The following GLMN variants were observed in gnomAD, a reference collection of about 807,000 sequenced individuals.
GLMN encodes glomulin.
A neutral mutation model predicts 87.8 loss-of-function variants in GLMN; 75 were observed. The observed-to-expected ratio is 0.85, with a 90% CI of 0.71 to 1.04. GLMN has a LOEUF of 1.04. Ranked by LOEUF, GLMN falls within the 50% of genes least tolerant of loss-of-function variation. GLMN has a pLI of 0.00. For missense variants in GLMN, 588 were observed against 658.8 expected, an observed-to-expected ratio of 0.89 and a Z score of 1.18; for synonymous variants, 206 against 221.6, an observed-to-expected ratio of 0.93 and a Z score of 0.63.
intron 16 of GLMN, among the ~76,000 whole-genome samples, chr1:92,253,432 C>T (rs1264236491): frequency 1.3e-5 from 2 of 152,212 alleles, no homozygotes; most frequent in Non-Finnish European, 1.5e-5. Flanking sequence ...GGACAGACTG[C>T]TTCCTCAAAT....
chr1:92,258,600 G>C (rs1333862622), intron 16 of GLMN, among the ~76,000 whole-genome samples: 2 of 152,192 alleles, frequency 1.3e-5, no homozygotes, highest in African/African-American at 4.8e-5. Flanking sequence ...CATGTCCTTT[G>C]CAGGGACACG....
At chr1:92,367,523 G>A in the GLMN span, among the ~76,000 whole-genome samples, 1 of 152,182 alleles carries the variant, frequency 6.6e-6, no homozygotes, top group Non-Finnish European at 1.5e-5. Context: ...AAGGGTGAGA[G>A]AATGAGTGTT....
chr1:92,351,980 G>T, the GLMN span, among the ~76,000 whole-genome samples: 1 of 151,974 alleles, frequency 6.6e-6, no homozygotes, highest in Non-Finnish European at 1.5e-5. Flanking sequence ...TGAATTATTT[G>T]GTTATCCAAT....
At chr1:92,246,931 G>A in intron 18 of GLMN, 131 bp downstream of exon 18, 1 of 734,828 alleles carries the variant, frequency 1.4e-6, no homozygotes, top group Non-Finnish European at 2.5e-6. Flanking sequence ...TCTGAGGTGG[G>A]TGGATCACTT....
chr1:92,275,740 A>G (rs1647232845), intron 7 of GLMN, among the ~76,000 whole-genome samples: 1 of 152,194 alleles, frequency 6.6e-6, no homozygotes, highest in Admixed American at 6.5e-5. Flanking sequence ...GCTTTTCAGC[A>G]TACCTCTATG....
intron 3 of GLMN, among the ~76,000 whole-genome samples, chr1:92,295,158 C>A (rs1649884574): frequency 6.6e-6 from 1 of 152,330 alleles, no homozygotes; most frequent in Middle Eastern, 3.4e-3. Context: ...CTGAAAAATA[C>A]TTTGTTTATA....
intron 11 of GLMN, among the ~76,000 whole-genome samples, chr1:92,267,458 C>T (rs1219546187): frequency 6.6e-6 from 1 of 151,984 alleles, no homozygotes; most frequent in Non-Finnish European, 1.5e-5. Context: ...AATCCCAGCA[C>T]TTTGGGGGGC....
the GLMN span, among the ~76,000 whole-genome samples, chr1:92,307,670 A>G: frequency 6.6e-6 from 1 of 152,132 alleles, no homozygotes; most frequent in Non-Finnish European, 1.5e-5. Context: ...GGTTCATTTA[A>G]TCTTTATAAA....
At chr1:92,249,621 A>G (rs978806282) in intron 16 of GLMN, among the ~76,000 whole-genome samples, 12 of 152,110 alleles carry the variant, frequency 7.9e-5, no homozygotes, top group Non-Finnish European at 1.8e-4. Context: ...CATCATTTCT[A>G]TGGGTTGGTA....
chr1:92,291,497 A>G lies in GLMN; in HGVS notation c.206T>C (p.Val69Ala). The G allele has an allele frequency of 6.2e-7, 1 of 1,612,682 alleles. No individual in the cohort carries two copies. Among genetic ancestry groups the G allele is most frequent in the Non-Finnish European group, 8.5e-7 (1 of 1,178,644 alleles). Reference sequence around the variant, plus strand: ...ATCTTTACACAAAAGGCATCGAACAACAGGACCAACGAGATTCCAGCCCAT... The same window carrying G: ...ATCTTTACACAAAAGGCATCGAACAGCAGGACCAACGAGATTCCAGCCCAT... ...KNMGWNLVGP[V>A]VRCLLCKDKE... Residue 69 changes from valine (V) to alanine (A), a missense_variant, in exon 4 of 19, where the codon GTT becomes GCT. Val to Ala is a moderately conservative substitution (Grantham distance 64, BLOSUM62 0). Coordinates refer to ENST00000370360, the MANE Select transcript of GLMN (RefSeq NM_053274.3).
chr1:92,302,590 A>T (rs1379451105), upstream of GLMN, among the ~76,000 whole-genome samples: 31 of 74,334 alleles, frequency 4.2e-4, no homozygotes, highest in South Asian at 6.4e-4. Context: ...TCCGCATTAA[A>T]TTTTTTTTTT....
At position 92,254,359 on chromosome 1, in the gene GLMN, A is replaced by G. The variant is rs186537434; in HGVS notation, c.1474-6370T>C. On this transcript the variant is annotated intron_variant, in intron 16 of 18. Coordinates refer to ENST00000370360, the MANE Select transcript of GLMN (RefSeq NM_053274.3). ...GAAAACACACTTCAGGGTATTATCC[A>G]GGAGAACTTCCCAACCTAGGAAGAC... Among the ~76,000 whole-genome samples, 81 of 152,374 alleles carry G rather than the reference A, an allele frequency of 5.3e-4. 1 individual carries two copies. The highest frequency in any genetic ancestry group is 4.0e-3 in the Admixed American group (61 of 15,306).
At chr1:92,310,475 A>C in the GLMN span, among the ~76,000 whole-genome samples, 3 of 152,186 alleles carry the variant, frequency 2.0e-5, no homozygotes, top group African/African-American at 4.8e-5. Flanking sequence ...GGGAGGAAAA[A>C]ATTGCTTCTT....
Position 92,288,867 on chromosome 1 carries a change from A to G in GLMN, c.632+47T>C, listed in dbSNP as rs1290901074. The G allele has an allele frequency of 4.4e-6, 4 of 906,656 alleles. 1 individual carries two copies. In the Admixed American group the frequency reaches 6.9e-5, roughly 16 times the overall value. The allele number at this position is 906,656 out of a possible 1,614,324, so 56.2% of individuals were successfully genotyped here. On this transcript the variant is annotated intron_variant, in intron 6 of 18. Transcript: ENST00000370360. ...TGAAGAAACATAAAATAACTGAACTATCAATTACTTAAGTCCACTGTGAGA... is the reference window on the plus strand; with the variant it reads ...TGAAGAAACATAAAATAACTGAACTGTCAATTACTTAAGTCCACTGTGAGA...
chr1:92,327,819 G>A, the GLMN span, among the ~76,000 whole-genome samples: 11 of 151,742 alleles, frequency 7.2e-5, no homozygotes, highest in African/African-American at 2.7e-4. Context: ...AAGATTTATC[G>A]CTCCTTTAGC....
chr1:92,286,879 G>C lies in GLMN; in HGVS notation c.633-287C>G, dbSNP rs142901066. Among the ~76,000 whole-genome samples, 7 of 152,316 alleles carry C rather than the reference G, an allele frequency of 4.6e-5. No individual in the cohort carries two copies. In the East Asian group the frequency reaches 1.3e-3, roughly 29 times the overall value. ...CTTCAGCCACATTATGACACAGCTA[G>C]AAGGCCCTTGCCAGATGCCAGCGCC... On this transcript the variant is annotated intron_variant, in intron 6 of 18. Transcript: ENST00000370360.
the GLMN span, among the ~76,000 whole-genome samples, chr1:92,310,995 A>G: frequency 6.6e-6 from 1 of 152,242 alleles, no homozygotes; most frequent in African/African-American, 2.4e-5. Context: ...TCATATATGC[A>G]TATAACTAAA....
chr1:92,281,327 GA>G (rs1648022010), intron 7 of GLMN, among the ~76,000 whole-genome samples: 1 of 152,176 alleles, frequency 6.6e-6, no homozygotes, highest in Admixed American at 6.5e-5. Context: ...CATTCTTAAA[GA>G]AAAGAATTTT....
intron 16 of GLMN, among the ~76,000 whole-genome samples, chr1:92,255,393 C>G (rs758598631): frequency 5.9e-5 from 9 of 152,190 alleles, no homozygotes; most frequent in Non-Finnish European, 1.2e-4. Flanking sequence ...CAACTCAGCT[C>G]TGGACCAAGC....
Sources: allele counts gnomAD v4.1 joint callset (sites outside exome capture counted in the v4.1 genomes callset), GRCh38; gene constraint gnomAD v4.1.1; transcripts MANE v1.5; gene names NCBI Gene and HGNC (gene_info 2026-07-23, HGNC 2026-07-21).